AGBL4: variants seen among roughly 807,000 people sequenced by gnomAD.
AGBL4 encodes AGBL carboxypeptidase 4.
AGBL4 carries 58 observed loss-of-function variants against 66.4 expected under a neutral mutation model. The observed-to-expected ratio is 0.87, with a 90% confidence interval of 0.71 to 1.09. The LOEUF is 1.09. Ranked by LOEUF, AGBL4 falls within the 50% of genes least tolerant of loss-of-function variation. The pLI is 0.00. For synonymous variants in AGBL4, 234 were observed against 222.9 expected, an observed-to-expected ratio of 1.05 and a Z score of -0.44; for missense variants, 579 against 631.0, an observed-to-expected ratio of 0.92 and a Z score of 0.88.
At chr1:48,862,198 A>G (rs1041237444) in intron 6 of AGBL4, among the ~76,000 whole-genome samples, 5 of 152,122 alleles carry the variant, frequency 3.3e-5, no homozygotes, top group Non-Finnish European at 7.4e-5. Flanking sequence ...CACCAGCTCA[A>G]CTGCCCGGTT....
chr1:49,411,939 AT>A (rs1172821883), intron 3 of AGBL4, among the ~76,000 whole-genome samples: 2 of 152,174 alleles, frequency 1.3e-5, no homozygotes, highest in Non-Finnish European at 2.9e-5. Context: ...CCAATATATT[AT>A]TATCATTAAT....
intron 9 of AGBL4, among the ~76,000 whole-genome samples, chr1:48,615,418 AC>A (rs1315558578): frequency 6.6e-6 from 1 of 152,186 alleles, no homozygotes; most frequent in Admixed American, 6.5e-5. Flanking sequence ...TAGTTGTTGC[AC>A]CTGCCTGAGA....
chr1:49,169,204 A>T (rs1336107289), intron 4 of AGBL4, among the ~76,000 whole-genome samples: 4 of 152,160 alleles, frequency 2.6e-5, no homozygotes, highest in Non-Finnish European at 4.4e-5. Flanking sequence ...AAGCAGTGGA[A>T]GTGTCACAGT....
intron 1 of AGBL4, among the ~76,000 whole-genome samples, chr1:49,863,571 C>T (rs1646627549): frequency 6.6e-6 from 1 of 152,018 alleles, no homozygotes; most frequent in African/African-American, 2.4e-5. Flanking sequence ...ATAAGGAGCT[C>T]AAATAACCCT....
At chr1:48,668,016 T>C (rs1646216453) in intron 6 of AGBL4, among the ~76,000 whole-genome samples, 1 of 151,876 alleles carries the variant, frequency 6.6e-6, no homozygotes, top group African/African-American at 2.4e-5. Context: ...GTTGTTGTTG[T>C]TGTTGTTGTT....
At chr1:49,302,113 T>C (rs1280313161) in intron 3 of AGBL4, among the ~76,000 whole-genome samples, 1 of 152,102 alleles carries the variant, frequency 6.6e-6, no homozygotes, top group African/African-American at 2.4e-5. Context: ...AACCCTTTTT[T>C]GGATTGCAAG....
intron 3 of AGBL4, among the ~76,000 whole-genome samples, chr1:49,523,992 A>G (rs1457101554): frequency 6.6e-6 from 1 of 151,128 alleles, no homozygotes; most frequent in Non-Finnish European, 1.5e-5. Flanking sequence ...ATCATCATGA[A>G]GACAGCACTA....
chr1:49,681,732 T>C (rs1263745908), intron 3 of AGBL4, among the ~76,000 whole-genome samples: 1 of 152,186 alleles, frequency 6.6e-6, no homozygotes, highest in Non-Finnish European at 1.5e-5. Context: ...AAAACAGTGT[T>C]TCTACATTGC....
intron 1 of AGBL4, among the ~76,000 whole-genome samples, chr1:49,860,933 A>G (rs113947990): frequency 3.3e-5 from 5 of 152,136 alleles, no homozygotes; most frequent in South Asian, 2.1e-4. Context: ...TGAATCACCA[A>G]TGCGACCCCT....
At chr1:48,546,887 A>G (rs1038571431) in intron 11 of AGBL4, among the ~76,000 whole-genome samples, 1 of 151,784 alleles carries the variant, frequency 6.6e-6, no homozygotes, top group Non-Finnish European at 1.5e-5. Context: ...ACACACACAC[A>G]CACACACACA....
At chr1:49,856,460 T>C (rs1419275013) in intron 1 of AGBL4, among the ~76,000 whole-genome samples, 1 of 152,024 alleles carries the variant, frequency 6.6e-6, no homozygotes, top group Non-Finnish European at 1.5e-5. Context: ...CTAATGAACA[T>C]AGAATCAAAA....
intron 5 of AGBL4, among the ~76,000 whole-genome samples, chr1:48,916,478 GATTTCTTGAT>G: frequency 6.6e-6 from 1 of 152,278 alleles, no homozygotes; most frequent in African/African-American, 2.4e-5. Context: ...TTAGGTCTGA[GATTTCTTGAT>G]ATTTCTAATT....
At chr1:49,706,190 G>T (rs116716137) in intron 2 of AGBL4, among the ~76,000 whole-genome samples, 4,803 of 152,124 alleles carry the variant, frequency 0.032, 108 homozygotes, top group Non-Finnish European at 0.053. Flanking sequence ...GACTTTTGTT[G>T]GTTGGTAGGC....
chr1:48,716,510 C>A (rs1647053057), intron 6 of AGBL4, among the ~76,000 whole-genome samples: 1 of 152,172 alleles, frequency 6.6e-6, no homozygotes, highest in Admixed American at 6.5e-5. Context: ...CCCATCCATC[C>A]AGCTCAAGAG....
At chr1:49,380,029 G>T (rs558776299) in intron 3 of AGBL4, among the ~76,000 whole-genome samples, 1 of 152,038 alleles carries the variant, frequency 6.6e-6, no homozygotes, top group Non-Finnish European at 1.5e-5. Context: ...GGAAATAAAG[G>T]GTATTCAATT....
chr1:49,936,035 C>T (rs1218077472), intron 1 of AGBL4, among the ~76,000 whole-genome samples: 1 of 152,178 alleles, frequency 6.6e-6, no homozygotes, highest in African/African-American at 2.4e-5. Flanking sequence ...GATCAAACTA[C>T]TCCAAGCTAC....
At chr1:49,788,358 T>C (rs2147922303) in intron 2 of AGBL4, among the ~76,000 whole-genome samples, 1 of 151,716 alleles carries the variant, frequency 6.6e-6, no homozygotes, top group South Asian at 2.1e-4. Context: ...CAAGAATTTC[T>C]ACAAAAAACA....
chr1:48,977,202 C>T (rs1383971376), intron 5 of AGBL4, among the ~76,000 whole-genome samples: 1 of 152,116 alleles, frequency 6.6e-6, no homozygotes, highest in African/African-American at 2.4e-5. Flanking sequence ...TTTGGCTGTG[C>T]CAGTTATAAG....
chr1:49,815,145 A>T (rs1384034175), intron 2 of AGBL4, among the ~76,000 whole-genome samples: 2 of 152,088 alleles, frequency 1.3e-5, no homozygotes, highest in Non-Finnish European at 2.9e-5. Context: ...TCATACCCTT[A>T]ACCAGCCTCA....
Sources: allele counts gnomAD v4.1 joint callset (sites outside exome capture counted in the v4.1 genomes callset), GRCh38; gene constraint gnomAD v4.1.1; transcripts MANE v1.5; gene names NCBI Gene and HGNC (gene_info 2026-07-23, HGNC 2026-07-21).